Variants in AGBL4 observed in about 807,000 individuals in gnomAD.
AGBL4 encodes the protein AGBL carboxypeptidase 4, also known as cytosolic carboxypeptidase 6.
A neutral mutation model predicts 66.4 loss-of-function variants in AGBL4; 58 were observed. The ratio of observed to expected loss-of-function variants is 0.87; its 90% CI spans 0.71 to 1.09. AGBL4 has a LOEUF of 1.09. Ranked by LOEUF, AGBL4 falls within the 50% of genes least tolerant of loss-of-function variation. The probability of loss-of-function intolerance (pLI) is 0.00; values close to 1 mark genes in which losing one functional copy is unlikely to be tolerated. For missense variants in AGBL4, 579 were observed against 631.0 expected, an observed-to-expected ratio of 0.92 and a Z score of 0.88; for synonymous variants, 234 against 222.9, an observed-to-expected ratio of 1.05 and a Z score of -0.44.
chr1:48,690,944 C>T (rs567412224), intron 6 of AGBL4, among the ~76,000 whole-genome samples: 2 of 152,164 alleles, frequency 1.3e-5, no homozygotes, highest in East Asian at 3.9e-4. Context: ...ACGGGTGGAT[C>T]ACCTGAGGTC....
chr1:48,637,063 A>G (rs1312313037), intron 8 of AGBL4, among the ~76,000 whole-genome samples: 1 of 152,184 alleles, frequency 6.6e-6, no homozygotes, highest in Admixed American at 6.5e-5. Context: ...AAGGAAGAAG[A>G]TATGCTTACA....
intron 12 of AGBL4, among the ~76,000 whole-genome samples, chr1:48,539,259 C>A (rs1644022328): frequency 6.6e-6 from 1 of 152,156 alleles, no homozygotes; most frequent in African/African-American, 2.4e-5. Flanking sequence ...GCTGTCCTCA[C>A]TTTATAGATG....
At chr1:49,480,163 G>A (rs182244928) in intron 3 of AGBL4, among the ~76,000 whole-genome samples, 1 of 151,880 alleles carries the variant, frequency 6.6e-6, no homozygotes, top group East Asian at 1.9e-4. Flanking sequence ...CAATAATGAG[G>A]TTGCTGGGTC....
At chr1:49,125,208 A>G (rs1290459091) in intron 4 of AGBL4, among the ~76,000 whole-genome samples, 1 of 152,182 alleles carries the variant, frequency 6.6e-6, no homozygotes. Context: ...AAAAAGGCCT[A>G]TTTTTGAGAA....
intron 6 of AGBL4, among the ~76,000 whole-genome samples, chr1:48,765,982 C>T (rs918285216): frequency 7.9e-5 from 12 of 152,114 alleles, no homozygotes; most frequent in African/African-American, 2.4e-4. Context: ...AAAAACGTTC[C>T]GGAATTAAGT....
intron 3 of AGBL4, among the ~76,000 whole-genome samples, chr1:49,432,706 A>G (rs1645813717): frequency 6.6e-6 from 1 of 152,186 alleles, no homozygotes; most frequent in South Asian, 2.1e-4. Flanking sequence ...CATATTAGCA[A>G]GTTGTTACAT....
intron 3 of AGBL4, among the ~76,000 whole-genome samples, chr1:49,646,132 G>A (rs966469120): frequency 2.6e-5 from 4 of 151,828 alleles, no homozygotes; most frequent in Non-Finnish European, 5.9e-5. Context: ...GATATCTGAT[G>A]TTATTACTTC....
At chr1:48,590,794 G>C (rs758238956) in intron 10 of AGBL4, 39 bp downstream of exon 10, 15 of 1,561,546 alleles carry the variant, frequency 9.6e-6, no homozygotes, top group East Asian at 7.0e-5. Flanking sequence ...GGCAGGGTGT[G>C]GGGGGCTGGG....
chr1:49,029,696 A>C (rs1382356998), intron 5 of AGBL4, among the ~76,000 whole-genome samples: 1 of 152,176 alleles, frequency 6.6e-6, no homozygotes, highest in African/African-American at 2.4e-5. Flanking sequence ...AATTCACATA[A>C]AAATGCATGG....
At chr1:48,767,919 A>G (rs565280584) in intron 6 of AGBL4, among the ~76,000 whole-genome samples, 2 of 152,340 alleles carry the variant, frequency 1.3e-5, no homozygotes, top group South Asian at 2.1e-4. Flanking sequence ...ATACTGAGTG[A>G]GCACCTACTA....
At chr1:48,728,051 G>A (rs771075842) in intron 6 of AGBL4, 4 of 1,572,178 alleles carry the variant, frequency 2.5e-6, no homozygotes, top group Non-Finnish European at 3.5e-6. Flanking sequence ...ACTCTAGACG[G>A]GGAGAAGAAA....
At chr1:49,828,772 A>T (rs1455004859) in intron 2 of AGBL4, among the ~76,000 whole-genome samples, 1 of 152,180 alleles carries the variant, frequency 6.6e-6, no homozygotes, top group African/African-American at 2.4e-5. Context: ...AAGAAACTTG[A>T]GTGAAAGGAA....
chr1:49,989,908 AT>A lies in AGBL4; in HGVS notation c.34+33854del, dbSNP rs753405444. Among the ~76,000 whole-genome samples the A allele has an allele frequency of 8.5e-5, 13 of 152,234 alleles. No individual in the cohort carries two copies. The East Asian group carries it at 1.9e-3, about 23-fold the overall frequency. On this transcript the variant is annotated intron_variant, in intron 1 of 13. Transcript: ENST00000371839. The stretch of plus-strand genomic sequence containing the variant: ...GTACCTGAAGGTCCTAGGCATTTTG[AT>A]TACTTCCTGGTGGGTATACCTTCAA...
At chr1:49,782,780 C>T (rs1178336078) in intron 2 of AGBL4, among the ~76,000 whole-genome samples, 1 of 152,098 alleles carries the variant, frequency 6.6e-6, no homozygotes. Context: ...TTTTTGTCTC[C>T]TTGTTCTTTT....
intron 3 of AGBL4, among the ~76,000 whole-genome samples, chr1:49,532,670 A>C (rs1651232235): frequency 6.6e-6 from 1 of 152,140 alleles, no homozygotes; most frequent in Non-Finnish European, 1.5e-5. Flanking sequence ...AAGAAAAGGG[A>C]ATCAAGAAGT....
At chr1:49,239,958 C>CT (rs1301944946) in intron 4 of AGBL4, among the ~76,000 whole-genome samples, 2 of 151,630 alleles carry the variant, frequency 1.3e-5, no homozygotes, top group African/African-American at 4.8e-5. Flanking sequence ...AAATGTATGA[C>CT]TTTTTTTAGC....
In AGBL4 at chr1:49,374,537, G is replaced by T. The variant is rs574569022; in HGVS notation, c.283-128673C>A. On this transcript the variant is annotated intron_variant, in intron 3 of 13. Coordinates refer to ENST00000371839, the MANE Select transcript of AGBL4 (RefSeq NM_032785.4). Reference sequence around the variant, plus strand: ...TTAACACTCAGGAAACATTCCTTGAGTGACCACTCTGTCAATGCACAGGAG... The same window carrying T: ...TTAACACTCAGGAAACATTCCTTGATTGACCACTCTGTCAATGCACAGGAG... Among the ~76,000 whole-genome samples, 6 of 152,132 alleles carry T rather than the reference G, an allele frequency of 3.9e-5. No homozygotes were observed. The South Asian group carries it at 1.2e-3, about 32-fold the overall frequency.
rs191439412 is a variant in AGBL4 at position 49,778,303 on chromosome 1, C to T, written c.157+73093G>A. Reference sequence around the variant, plus strand: ...CCACTCATAGAACAGAGGTGTCACACAGGCCACTCTCCTCACCCGCAGCCC... The same window carrying T: ...CCACTCATAGAACAGAGGTGTCACATAGGCCACTCTCCTCACCCGCAGCCC... On this transcript the variant is annotated intron_variant, in intron 2 of 13. Transcript: ENST00000371839. Among the ~76,000 whole-genome samples, 9 of 152,284 alleles carry T rather than the reference C, an allele frequency of 5.9e-5. No homozygotes were observed. In the East Asian group the frequency reaches 1.2e-3, roughly 20 times the overall value.
intron 4 of AGBL4, among the ~76,000 whole-genome samples, chr1:49,198,897 TTAGAG>T (rs1382651902): frequency 2.0e-5 from 3 of 152,172 alleles, no homozygotes; most frequent in Admixed American, 6.5e-5. Flanking sequence ...AAACAACTAA[TTAGAG>T]TAAATTCCAA....
Sources: allele counts gnomAD v4.1 joint callset (sites outside exome capture counted in the v4.1 genomes callset), GRCh38; gene constraint gnomAD v4.1.1; transcripts MANE v1.5; gene names NCBI Gene and HGNC (gene_info 2026-07-23, HGNC 2026-07-21).